Variants in ADAM19 observed in about 807,000 individuals in gnomAD.
ADAM19 encodes disintegrin and metalloproteinase domain-containing protein 19.
ADAM19 carries 65 observed loss-of-function variants against 114.7 expected under a neutral mutation model. The ratio of observed to expected loss-of-function variants is 0.57; its 90% confidence interval spans 0.46 to 0.70. ADAM19 has a LOEUF of 0.70. Among genes scored for constraint, ADAM19 ranks in the 30% least tolerant of loss-of-function variants. The pLI is 0.00. For missense variants in ADAM19, 1,063 were observed against 1,204.7 expected, an observed-to-expected ratio of 0.88 and a Z score of 1.74; for synonymous variants, 466 against 460.5, an observed-to-expected ratio of 1.01 and a Z score of -0.15.
At position 157,502,915 on chromosome 5, in the gene ADAM19, C is replaced by T; in HGVS notation, c.1196G>A (p.Gly399Asp). Reference protein sequence around the residue: ...RRELDRYLQSGGGMCLSNMPD... With the variant: ...RRELDRYLQSDGGMCLSNMPD... ...CATGTTGGAGAGACACATTCCACCA[C>T]CTGACTGCAGATACCTGTCCAGCTC... Residue 399 changes from glycine (G) to aspartate (D), a missense_variant, in exon 12 of 23, where the codon GGT (glycine) becomes GAT (aspartate). Physicochemically the swap from Gly to Asp is moderately conservative, Grantham distance 94. Coordinates refer to ENST00000257527, the MANE Select transcript of ADAM19 (RefSeq NM_033274.5). 4 of 1,614,208 alleles carry T rather than the reference C, an allele frequency of 2.5e-6. No homozygotes were observed. Among genetic ancestry groups the T allele is most frequent in the Non-Finnish European group, 3.4e-6 (4 of 1,180,040 alleles).
intron 7 of ADAM19, among the ~76,000 whole-genome samples, chr5:157,514,645 C>T (rs1026171424): frequency 6.6e-6 from 1 of 152,140 alleles, no homozygotes; most frequent in African/African-American, 2.4e-5. Context: ...ACATTTCTAA[C>T]CAAGCACAGG....
intron 8 of ADAM19, among the ~76,000 whole-genome samples, chr5:157,510,078 T>C (rs1157709823): frequency 6.6e-6 from 1 of 152,222 alleles, no homozygotes; most frequent in Non-Finnish European, 1.5e-5. Flanking sequence ...CTCTTGTATA[T>C]AGATTTTTTA....
chr5:157,564,224 G>A (rs1232746920), intron 3 of ADAM19, 149 bp downstream of exon 3: 1 of 694,658 alleles, frequency 1.4e-6, no homozygotes, highest in African/African-American at 1.8e-5. Context: ...GAAAGGCTCT[G>A]GCTTTGCAAG....
In ADAM19 at chr5:157,496,894, C is replaced by T. The variant is rs148827106; in HGVS notation, c.1594G>A (p.Gly532Arg). ...QEQCQQLWGP[G>R]ARPAPDLCFE... ...GCCGTGCTCCCCAGGAGAGCCTTAC[C>T]GGGTCCCCACAGCTGCTGGCACTGC... is the stretch of plus-strand genomic sequence containing the variant. The change falls in exon 14 of 23, where the codon GGA (glycine) becomes AGA (arginine). Residue 532 changes from glycine (G) to arginine (R), a missense_variant and splice_region_variant. Physicochemically the swap from Gly to Arg is moderately radical, Grantham distance 125 (BLOSUM62 -2). Around this residue, in one of 3 missense-constraint regions of ADAM19, gnomAD observed 615 missense variants for 706.3 expected, o/e 0.87. Transcript: ENST00000257527. 9.5e-6 allele frequency: 15 copies of T among 1,570,928 alleles called. 1 individual carries two copies. The South Asian group carries it at 1.1e-4, about 11-fold the overall frequency.
intron 1 of ADAM19, among the ~76,000 whole-genome samples, chr5:157,574,698 G>A (rs1229522820): frequency 1.3e-5 from 2 of 152,172 alleles, no homozygotes; most frequent in Non-Finnish European, 2.9e-5. Context: ...ACCGCCCCCC[G>A]GGACCAAGCC....
rs1581297424 is a variant in ADAM19 at position 157,494,855 on chromosome 5, G to GTCATTACCTTCAT, written c.1595-61_1595-60insATGAAGGTAATGA. ...TCTGTCAGAAGCCCCCAAGGGCAAAGGTATCTTTGGTAAAGTCATGAAGGT... is the reference window on the plus strand; with the variant it reads ...TCTGTCAGAAGCCCCCAAGGGCAAAGTCATTACCTTCATGTATCTTTGGTAAAGTCATGAAGGT... On this transcript the variant is annotated intron_variant, in intron 14 of 22. Transcript: ENST00000257527. 7 of 1,348,576 alleles carry GTCATTACCTTCAT rather than the reference G, an allele frequency of 5.2e-6. No individual in the cohort carries two copies. In the East Asian group the frequency reaches 1.6e-4, roughly 31 times the overall value. 83.5% of individuals were successfully genotyped at this position (1,348,576 alleles called of 1,614,324 possible).
chr5:157,568,630 C>T (rs1757735600), intron 2 of ADAM19: 1 of 151,688 alleles, frequency 6.6e-6, no homozygotes, highest in African/African-American at 2.4e-5. Context: ...GGAAATCTGT[C>T]CTATATTTGC....
Position 157,478,793 on chromosome 5 carries a change from G to A in ADAM19, c.*2156C>T, listed in dbSNP as rs112138587. 4.1e-6 allele frequency: 4 copies of A among 985,864 alleles called. No individual in the cohort carries two copies. The highest frequency in any genetic ancestry group is 4.7e-5 in the South Asian group (1 of 21,282). The allele number at this position is 985,864 out of a possible 1,614,324, so 61.1% of individuals were successfully genotyped here. ...AAAACAAAACAAAAAGCAAGAAAACGACAACCCAGGTCTCTTTCTGGTGTG... is the reference window on the plus strand; with the variant it reads ...AAAACAAAACAAAAAGCAAGAAAACAACAACCCAGGTCTCTTTCTGGTGTG... On this transcript the variant is annotated 3_prime_UTR_variant, in exon 23 of 23. Coordinates refer to ENST00000257527, the MANE Select transcript of ADAM19 (RefSeq NM_033274.5).
intron 12 of ADAM19, among the ~76,000 whole-genome samples, chr5:157,500,104 T>C (rs183010475): frequency 2.6e-4 from 39 of 152,278 alleles, no homozygotes; most frequent in Middle Eastern, 6.8e-3. Context: ...TCAAAAATCA[T>C]GTGACAGCTT....
At chr5:157,530,461 C>T (rs1011915986) in intron 5 of ADAM19, among the ~76,000 whole-genome samples, 1 of 152,248 alleles carries the variant, frequency 6.6e-6, no homozygotes, top group African/African-American at 2.4e-5. Flanking sequence ...CCCAGTGCCT[C>T]CCCGTGCCGC....
chr5:157,530,363 T>G (rs1342541395), intron 5 of ADAM19, among the ~76,000 whole-genome samples: 1 of 152,174 alleles, frequency 6.6e-6, no homozygotes, highest in Non-Finnish European at 1.5e-5. Flanking sequence ...TAAACCTGCT[T>G]TCTCTGCCTC....
At chr5:157,569,356 C>A (rs1272149671) in intron 2 of ADAM19, among the ~76,000 whole-genome samples, 2 of 150,918 alleles carry the variant, frequency 1.3e-5, no homozygotes, top group Non-Finnish European at 2.9e-5. Flanking sequence ...GCGATCGTCC[C>A]ACCTCAGCCT....
At chr5:157,555,627 A>C (rs1757346486) in intron 3 of ADAM19, among the ~76,000 whole-genome samples, 1 of 152,232 alleles carries the variant, frequency 6.6e-6, no homozygotes, top group Admixed American at 6.5e-5. Context: ...CAGACGTTGT[A>C]CTAAGTGCAT....
intron 5 of ADAM19, among the ~76,000 whole-genome samples, chr5:157,528,769 T>A (rs957780010): frequency 6.6e-6 from 1 of 152,210 alleles, no homozygotes; most frequent in African/African-American, 2.4e-5. Flanking sequence ...AAAACCCTTA[T>A]GTTTAAAAGT....
intron 12 of ADAM19, among the ~76,000 whole-genome samples, chr5:157,501,347 T>C (rs1482246938): frequency 6.6e-6 from 1 of 152,224 alleles, no homozygotes; most frequent in African/African-American, 2.4e-5. Context: ...CCTCACATTA[T>C]ATATGTTCAG....
At chr5:157,495,432 A>G (rs1226440816) in intron 14 of ADAM19, among the ~76,000 whole-genome samples, 5 of 152,226 alleles carry the variant, frequency 3.3e-5, no homozygotes, top group African/African-American at 1.2e-4. Flanking sequence ...TCATACATGC[A>G]TAATATTTTA....
chr5:157,531,345 G>C (rs1382077602), intron 4 of ADAM19, among the ~76,000 whole-genome samples: 1 of 152,164 alleles, frequency 6.6e-6, no homozygotes, highest in Non-Finnish European at 1.5e-5. Flanking sequence ...TTGGAAATAG[G>C]GTCTTGCAGA....
intron 5 of ADAM19, among the ~76,000 whole-genome samples, chr5:157,529,605 GT>G (rs1404586269): frequency 2.6e-5 from 4 of 152,180 alleles, no homozygotes; most frequent in African/African-American, 9.7e-5. Context: ...CCCAGGTAAA[GT>G]TGATGCTGCC....
At chr5:157,563,235 A>G (rs947305575) in intron 3 of ADAM19, among the ~76,000 whole-genome samples, 1 of 152,168 alleles carries the variant, frequency 6.6e-6, no homozygotes, top group Non-Finnish European at 1.5e-5. Flanking sequence ...GAGAGGAACA[A>G]AAATGACTGT....
Sources: gnomAD v4.1 joint callset for allele counts (sites outside exome capture counted in the v4.1 genomes callset) on GRCh38, gnomAD v4.1.1 for gene constraint, gnomAD v4.1.1 regional missense constraint, MANE v1.5 for transcripts, NCBI Gene and HGNC (gene_info 2026-07-23, HGNC 2026-07-21) for gene names.